The following FXR1 variants were observed in gnomAD, a reference collection of about 807,000 sequenced individuals.
FXR1 encodes the protein FMR1 autosomal homolog 1.
Under a neutral mutation model 84.0 loss-of-function variants are expected in FXR1, and 15 were observed. That is an observed-to-expected ratio of 0.18 (90% CI 0.12 to 0.27). The LOEUF (loss-of-function observed/expected upper bound fraction) is 0.27, where lower values mean the gene tolerates loss of function less well. FXR1 is among the 10% of genes least tolerant of loss of function. The pLI is 1.00. For missense variants in FXR1, 480 were observed against 774.4 expected (o/e 0.62, Z 4.51); for synonymous variants, 245 against 250.7 (o/e 0.98, Z 0.21).
At chr3:180,934,496 A>AT (rs1415531152) in intron 2 of FXR1, among the ~76,000 whole-genome samples, 2 of 152,236 alleles carry the variant, frequency 1.3e-5, no homozygotes, top group African/African-American at 4.8e-5. Flanking sequence ...GGTTTAATAC[A>AT]TTCGTATTTG....
intron 3 of FXR1, among the ~76,000 whole-genome samples, chr3:180,938,158 A>G (rs187248493): frequency 4.5e-4 from 69 of 152,344 alleles, no homozygotes; most frequent in Non-Finnish European, 8.5e-4. Flanking sequence ...CTGTTAGCAA[A>G]AGAAAACAAT....
intron 3 of FXR1, among the ~76,000 whole-genome samples, chr3:180,935,607 A>G (rs946008113): frequency 6.6e-6 from 1 of 152,214 alleles, no homozygotes; most frequent in African/African-American, 2.4e-5. Context: ...TGAGGTGTTA[A>G]TAGTTATTTT....
chr3:180,963,479 CTT>C (rs1036102661), intron 13 of FXR1, among the ~76,000 whole-genome samples: 1 of 151,888 alleles, frequency 6.6e-6, no homozygotes, highest in African/African-American at 2.4e-5. Flanking sequence ...TGTCTACCCT[CTT>C]TAAGTAAAAA....
chr3:180,928,452 T>A (rs2108436830), intron 1 of FXR1, among the ~76,000 whole-genome samples: 1 of 137,550 alleles, frequency 7.3e-6, no homozygotes, highest in East Asian at 2.4e-4. Context: ...CCCAAACACA[T>A]ACACACTGTT....
Position 180,965,110 on chromosome 3 carries a change from G to A in FXR1, c.1198+2020G>A, listed in dbSNP as rs565520389. Among the ~76,000 whole-genome samples the A allele has an allele frequency of 8.6e-5, 13 of 151,904 alleles. No homozygotes were observed. In the South Asian group the frequency reaches 2.3e-3, roughly 27 times the overall value. On this transcript the variant is annotated intron_variant, in intron 13 of 16. Transcript: ENST00000357559. ...CGGCTCACCGCAACCTCTCCCTCCT[G>A]GGTTCAAGTGATTCTCCTGCCTCAG...
intron 10 of FXR1, among the ~76,000 whole-genome samples, chr3:180,959,028 G>C (rs993422884): frequency 1.3e-5 from 2 of 151,834 alleles, no homozygotes; most frequent in Non-Finnish European, 2.9e-5. Context: ...GGATGGTCTC[G>C]ATCTCTTGAC....
At chr3:180,925,837 G>A (rs1361595449) in intron 1 of FXR1, among the ~76,000 whole-genome samples, 1 of 152,150 alleles carries the variant, frequency 6.6e-6, no homozygotes, top group Non-Finnish European at 1.5e-5. Context: ...CCGAGGTACT[G>A]AATTTTGCAT....
In FXR1 at chr3:180,976,432, G is replaced by T. The variant is rs1577015399; in HGVS notation, c.*140G>T. The T allele has an allele frequency of 5.4e-6, 3 of 559,572 alleles. No individual in the cohort carries two copies. The East Asian group carries it at 9.0e-5, about 17-fold the overall frequency. 34.7% of individuals were successfully genotyped at this position (559,572 alleles called of 1,614,324 possible). ...TCCATTTGGAATTCAAAAAGGGGAG[G>T]GATCCTGAAGAAATCATATGTTAAA... On this transcript the variant is annotated 3_prime_UTR_variant, in exon 17 of 17. Transcript: ENST00000357559.
At chr3:180,973,472 C>G (rs1385484278) in intron 15 of FXR1, among the ~76,000 whole-genome samples, 1 of 152,154 alleles carries the variant, frequency 6.6e-6, no homozygotes, top group Non-Finnish European at 1.5e-5. Flanking sequence ...CACTGAGGGC[C>G]GAACTTGGAA....
intron 1 of FXR1, among the ~76,000 whole-genome samples, chr3:180,921,728 T>C (rs940129476): frequency 6.6e-6 from 1 of 151,510 alleles, no homozygotes; most frequent in Non-Finnish European, 1.5e-5. Flanking sequence ...ACGTGTTGGC[T>C]GACAATAAGA....
At chr3:180,926,844 CA>C (rs1283599677) in intron 1 of FXR1, among the ~76,000 whole-genome samples, 1 of 151,920 alleles carries the variant, frequency 6.6e-6, no homozygotes, top group Non-Finnish European at 1.5e-5. Flanking sequence ...TCTAAAGTAA[CA>C]GATGAATTAG....
intron 1 of FXR1, among the ~76,000 whole-genome samples, chr3:180,920,557 G>C (rs1718459397): frequency 6.7e-6 from 1 of 150,112 alleles, no homozygotes; most frequent in African/African-American, 2.5e-5. Context: ...TGTTGCCCAG[G>C]TTGGAGTGCA....
chr3:180,968,656 CGAAGT>C (rs376158189), intron 14 of FXR1, among the ~76,000 whole-genome samples: 189 of 152,170 alleles, frequency 1.2e-3, no homozygotes, highest in Middle Eastern at 6.8e-3. Context: ...ATATTGAAAA[CGAAGT>C]GAAGAGCATT....
intron 1 of FXR1, among the ~76,000 whole-genome samples, chr3:180,931,652 T>C (rs181802417): frequency 2.7e-4 from 41 of 152,112 alleles, no homozygotes; most frequent in Admixed American, 1.8e-3. Context: ...ACTGAGCCAT[T>C]CCCACTGCCA....
chr3:180,915,685 A>G, intron 1 of FXR1: 2 of 701,256 alleles, frequency 2.9e-6, no homozygotes, highest in Middle Eastern at 2.3e-4. Flanking sequence ...GGCAGAAGAC[A>G]CACATTTGGC....
At chr3:180,914,509 T>C (rs1717645265) in intron 1 of FXR1, 1 of 152,260 alleles carries the variant, frequency 6.6e-6, no homozygotes. Context: ...ATGCATGTGG[T>C]AGACAACTAT....
chr3:180,947,499 C>T (rs182076462), intron 3 of FXR1, among the ~76,000 whole-genome samples: 11 of 152,210 alleles, frequency 7.2e-5, no homozygotes, highest in Admixed American at 2.6e-4. Context: ...TTAAAAATTA[C>T]GTTAATCACT....
In FXR1 at chr3:180,951,227, A is replaced by G; in HGVS notation, c.631-71A>G. 6.2e-6 allele frequency: 6 copies of G among 961,124 alleles called. No homozygotes were observed. The South Asian group carries it at 7.5e-5, about 12-fold the overall frequency. 59.5% of individuals were successfully genotyped at this position (961,124 alleles called of 1,614,324 possible). On this transcript the variant is annotated intron_variant, in intron 7 of 16. Coordinates refer to ENST00000357559, the MANE Select transcript of FXR1 (RefSeq NM_005087.4). ...GACAGAGTGAGACCCTGTCTGGAAA[A>G]AAACCAAACCATACAAAAAAGCCAT...
At position 180,953,753 on chromosome 3, in the gene FXR1, C is replaced by T; in HGVS notation, c.802-9C>T. On this transcript the variant is annotated splice_polypyrimidine_tract_variant and intron_variant, in intron 8 of 16. Transcript: ENST00000357559. Reference sequence around the variant, plus strand: ...AGGATTTCATTTTTACTTTTCCCCTCATCTACAGAGTGCTGATGCTGTAAA... The same window carrying T: ...AGGATTTCATTTTTACTTTTCCCCTTATCTACAGAGTGCTGATGCTGTAAA... 1.4e-6 allele frequency: 2 copies of T among 1,414,290 alleles called. No individual in the cohort carries two copies. The highest frequency in any genetic ancestry group is 2.0e-6 in the Non-Finnish European group (2 of 1,007,856). 87.6% of individuals were successfully genotyped at this position (1,414,290 alleles called of 1,614,324 possible).
Sources: gnomAD v4.1 joint callset for allele counts (sites outside exome capture counted in the v4.1 genomes callset) on GRCh38, gnomAD v4.1.1 for gene constraint, MANE v1.5 for transcripts, NCBI Gene and HGNC (gene_info 2026-07-23, HGNC 2026-07-21) for gene names.